DYRK2: variants seen among roughly 807,000 people sequenced by gnomAD.
DYRK2 encodes dual specificity tyrosine phosphorylation regulated kinase 2, also known as dual specificity tyrosine-phosphorylation-regulated kinase 2.
Under a neutral mutation model 41.6 loss-of-function variants are expected in DYRK2, and 12 were observed. That is an observed-to-expected ratio of 0.29 (90% CI 0.18 to 0.47). The LOEUF (loss-of-function observed/expected upper bound fraction) is 0.47. Ranked by LOEUF, DYRK2 falls within the 20% of genes least tolerant of loss-of-function variation. The probability of loss-of-function intolerance (pLI) is 1.00; values close to 1 mark genes in which losing one functional copy is unlikely to be tolerated. For synonymous variants in DYRK2, 322 were observed against 315.7 expected (o/e 1.02, Z -0.21); for missense variants, 678 against 798.4 (o/e 0.85, Z 1.82).
chr12:67,649,731 A>G, intron 1 of DYRK2, 66 bp from the exon 2 acceptor site: 1 of 1,292,098 alleles, frequency 7.7e-7, no homozygotes, highest in Non-Finnish European at 9.8e-7. Flanking sequence ...GCGGGGTTGG[A>G]GGGGGGGTCT....
rs764378967 is a variant in DYRK2, at chr12:67,657,061, C to T, written c.199-45C>T. On this transcript the variant is annotated intron_variant, in intron 2 of 2. Coordinates refer to ENST00000344096, the MANE Select transcript of DYRK2 (RefSeq NM_006482.3). This position sits in a 1 kb window ranked among gnomAD's most constrained non-coding sequence, Gnocchi z 4.8. ...GGGGGTTACTTATACACCATTTGAA[C>T]AGACACCACTTCTTTTCTATTTATA... 4.6e-6 allele frequency: 7 copies of T among 1,517,362 alleles called. No homozygotes were observed. The highest frequency in any genetic ancestry group is 5.3e-6 in the Non-Finnish European group (6 of 1,132,016). 94.0% of individuals were successfully genotyped at this position (1,517,362 alleles called of 1,614,324 possible). A position where few individuals can be genotyped will look rare whatever the true frequency, so the allele number is the denominator to read the frequency against.
chr12:67,652,231 T>C (rs1022652886), intron 2 of DYRK2, among the ~76,000 whole-genome samples: 7 of 152,198 alleles, frequency 4.6e-5, no homozygotes, highest in African/African-American at 1.7e-4. Context: ...TTTTACACTT[T>C]AGTTATTTCT....
In DYRK2 at chr12:67,662,279, ATC is replaced by A. The variant is rs1040133936; in HGVS notation, c.*3572_*3573del. ...AACTCTGTTTCTTAGGGGCTTGTACATCTCTCTGCTATGGACATACATAAAAT... is the reference window on the plus strand; with the variant it reads ...AACTCTGTTTCTTAGGGGCTTGTACATCTCTGCTATGGACATACATAAAAT... On this transcript the variant is annotated 3_prime_UTR_variant, in exon 3 of 3. Coordinates refer to ENST00000344096, the MANE Select transcript of DYRK2 (RefSeq NM_006482.3). The A allele has an allele frequency of 6.0e-6, 1 of 167,002 alleles. No individual in the cohort carries two copies. The highest frequency in any genetic ancestry group is 2.4e-5 in the African/African-American group (1 of 41,436). The allele number at this position is 167,002 out of a possible 1,614,324, so 10.3% of individuals were successfully genotyped here.
rs963260157 is a variant in DYRK2 at position 67,664,359 on chromosome 12, T to A, written c.*5646T>A. 1 of 152,092 alleles carries A rather than the reference T, an allele frequency of 6.6e-6. No homozygotes were observed. The highest frequency in any genetic ancestry group is 2.4e-5 in the African/African-American group (1 of 41,426). 9.4% of individuals were successfully genotyped at this position (152,092 alleles called of 1,614,324 possible). Reference sequence around the variant, plus strand: ...TTAACTCTTCTGAAGAAAGCTGACATTTTAGGAGTATTAAGTCATCTGTCG... The same window carrying A: ...TTAACTCTTCTGAAGAAAGCTGACAATTTAGGAGTATTAAGTCATCTGTCG... On this transcript the variant is annotated 3_prime_UTR_variant, in exon 3 of 3. Coordinates refer to ENST00000344096, the MANE Select transcript of DYRK2 (RefSeq NM_006482.3).
In DYRK2 at chr12:67,658,097, C is replaced by T; in HGVS notation, c.1190C>T (p.Ala397Val). 6.2e-7 allele frequency: 1 copy of T among 1,614,216 alleles called. No individual in the cohort carries two copies. Among genetic ancestry groups the T allele is most frequent in the Non-Finnish European group, 8.5e-7 (1 of 1,180,052 alleles). The part of the protein sequence containing the change: ...FYRAPEVILG[A>V]RYGMPIDMWS... Reference sequence around the variant, plus strand: ...CGGGCTCCAGAAGTGATCCTTGGGGCCAGGTATGGCATGCCCATTGATATG... The same window carrying T: ...CGGGCTCCAGAAGTGATCCTTGGGGTCAGGTATGGCATGCCCATTGATATG... Residue 397 changes from alanine to valine, a missense_variant, in exon 3 of 3, where the codon GCC becomes GTC. Physicochemically the swap from Ala to Val is moderately conservative, Grantham distance 64. Transcript: ENST00000344096. This position sits in a 1 kb window ranked among gnomAD's most constrained non-coding sequence, Gnocchi z 4.3.
At chr12:67,650,004 G>A in intron 2 of DYRK2, 59 bp downstream of exon 2, 2 of 1,285,924 alleles carry the variant, frequency 1.6e-6, no homozygotes, top group Non-Finnish European at 2.0e-6. Flanking sequence ...CCAGGCCGAA[G>A]CACCCGGACT....
At chr12:67,651,315 T>C (rs1872315641) in intron 2 of DYRK2, among the ~76,000 whole-genome samples, 1 of 152,242 alleles carries the variant, frequency 6.6e-6, no homozygotes, top group African/African-American at 2.4e-5. Flanking sequence ...TTGGAAAATA[T>C]AATACCCAGT....
intron 2 of DYRK2, among the ~76,000 whole-genome samples, chr12:67,652,953 C>A (rs1206277638): frequency 6.6e-6 from 1 of 152,122 alleles, no homozygotes; most frequent in African/African-American, 2.4e-5. Flanking sequence ...CCTTAGCCAC[C>A]CAAGTAGCTG....
At chr12:67,653,701 A>T (rs926818963) in intron 2 of DYRK2, among the ~76,000 whole-genome samples, 1 of 152,018 alleles carries the variant, frequency 6.6e-6, no homozygotes, top group African/African-American at 2.4e-5. Flanking sequence ...CTCAGGAACA[A>T]CTCCAAGAGA....
Position 67,664,434 on chromosome 12 carries a change from G to A in DYRK2, c.*5721G>A, listed in dbSNP as rs954485212. 2 of 152,124 alleles carry A rather than the reference G, an allele frequency of 1.3e-5. No individual in the cohort carries two copies. The highest frequency in any genetic ancestry group is 2.9e-5 in the Non-Finnish European group (2 of 68,002). The allele number at this position is 152,124 out of a possible 1,614,324, so 9.4% of individuals were successfully genotyped here. On this transcript the variant is annotated 3_prime_UTR_variant, in exon 3 of 3. Transcript: ENST00000344096. The stretch of plus-strand genomic sequence containing the variant: ...TGATTGTATCACATGTTCCAGAAGA[G>A]CATTACCCCTTACATAGAAAGCTCC...
intron 2 of DYRK2, among the ~76,000 whole-genome samples, chr12:67,650,833 C>T (rs1872301690): frequency 6.6e-6 from 1 of 152,118 alleles, no homozygotes; most frequent in South Asian, 2.1e-4. Flanking sequence ...ATTGGATTTT[C>T]CACAGGAACA....
At chr12:67,653,344 C>A (rs900482961) in intron 2 of DYRK2, among the ~76,000 whole-genome samples, 1 of 152,134 alleles carries the variant, frequency 6.6e-6, no homozygotes, top group Non-Finnish European at 1.5e-5. Flanking sequence ...TTTTATAAGT[C>A]AGTTAATTGT....
In DYRK2 at chr12:67,658,379, C is replaced by T; in HGVS notation, c.1472C>T (p.Pro491Leu). 1 of 1,607,004 alleles carries T rather than the reference C, an allele frequency of 6.2e-7. No individual in the cohort carries two copies. The change falls in exon 3 of 3, where the codon CCG (proline) becomes CTG (leucine). Residue 491 changes from proline to leucine, a missense_variant. Coordinates refer to ENST00000344096, the MANE Select transcript of DYRK2 (RefSeq NM_006482.3). This position sits in a 1 kb window ranked among gnomAD's most constrained non-coding sequence, Gnocchi z 4.3. ...CGGAGGGGGAAACTGAGGGGCCCAC[C>T]GGAGAGCAGAGAGTGGGGGAACGCG... is the stretch of plus-strand genomic sequence containing the variant. ...RSRRGKLRGP[P>L]ESREWGNALK...
chr12:67,657,405 A>G lies in DYRK2; in HGVS notation c.498A>G (p.Lys166=). The G allele has an allele frequency of 6.2e-7, 1 of 1,613,984 alleles. No homozygotes were observed. Among genetic ancestry groups the G allele is most frequent in the South Asian group, 1.1e-5 (1 of 91,070 alleles). Residue 166 remains lysine, a synonymous_variant, in exon 3 of 3, where the codon AAA becomes AAG. Transcript: ENST00000344096. The surrounding 1 kb of genome is among the most constrained non-coding windows in gnomAD (Gnocchi z 4.8). ...PEQAMKQYMQ[K]LTAFEHHEIF... The stretch of plus-strand genomic sequence containing the variant: ...AAGCAATGAAGCAATACATGCAAAA[A>G]CTCACAGCCTTCGAACACCATGAGA...
At chr12:67,650,082 C>G (rs1872271664) in intron 2 of DYRK2, 137 bp downstream of exon 2, 3 of 959,418 alleles carry the variant, frequency 3.1e-6, no homozygotes, top group Non-Finnish European at 1.4e-6. Context: ...GGCCGATGGT[C>G]TCTCGTCGAC....
chr12:67,650,021 G>T (rs1247301017), intron 2 of DYRK2, 76 bp downstream of exon 2: 1 of 1,260,148 alleles, frequency 7.9e-7, no homozygotes, highest in Non-Finnish European at 1.0e-6. Context: ...GACTTGGAGG[G>T]GTCTGACGCC....
chr12:67,651,409 G>GTC, intron 2 of DYRK2: 1 of 315,156 alleles, frequency 3.2e-6, no homozygotes, highest in Non-Finnish European at 6.2e-6. Context: ...TTCCAATTTT[G>GTC]TAAGGATGGG....
At chr12:67,649,618 C>T in intron 1 of DYRK2, 179 bp from the exon 2 acceptor site, 1 of 721,792 alleles carries the variant, frequency 1.4e-6, no homozygotes, top group Non-Finnish European at 1.9e-6. Flanking sequence ...GCTGCCCGCG[C>T]CCCGCCCGTG....
intron 2 of DYRK2, among the ~76,000 whole-genome samples, chr12:67,656,140 A>C (rs1397324625): frequency 6.6e-6 from 1 of 152,136 alleles, no homozygotes; most frequent in African/African-American, 2.4e-5. Flanking sequence ...GTCCTCTCCT[A>C]CCCCTTACCT....
Sources: gnomAD v4.1 joint callset for allele counts (sites outside exome capture counted in the v4.1 genomes callset) on GRCh38, gnomAD v4.1.1 for gene constraint, Gnocchi (gnomAD v3.1) non-coding constraint, MANE v1.5 for transcripts, NCBI Gene and HGNC (gene_info 2026-07-23, HGNC 2026-07-21) for gene names.